Variants in AGAP1 observed in about 807,000 individuals in gnomAD.
AGAP1 encodes the protein ArfGAP with GTPase domain, ankyrin repeat and PH domain 1.
A neutral mutation model predicts 105.3 loss-of-function variants in AGAP1; 29 were observed. The observed-to-expected ratio is 0.28, with a 90% CI of 0.21 to 0.38. The LOEUF (loss-of-function observed/expected upper bound fraction) is 0.38, where lower values mean the gene tolerates loss of function less well. Among genes scored for constraint, AGAP1 ranks in the 10% least tolerant of loss-of-function variants. The probability of loss-of-function intolerance (pLI) is 1.00; values close to 1 mark genes in which losing one functional copy is unlikely to be tolerated. For missense variants in AGAP1, 998 were observed against 1,165.1 expected (o/e 0.86, Z 2.09); for synonymous variants, 509 against 485.9 (o/e 1.05, Z -0.63).
At chr2:235,527,652 TG>T (rs2149066412) in intron 1 of AGAP1, among the ~76,000 whole-genome samples, 1 of 152,358 alleles carries the variant, frequency 6.6e-6, no homozygotes, top group East Asian at 1.9e-4. Flanking sequence ...CGTCCCGAAG[TG>T]CTGGAATTAC....
chr2:235,607,808 C>A (rs1385814710), intron 1 of AGAP1, among the ~76,000 whole-genome samples: 1 of 152,188 alleles, frequency 6.6e-6, no homozygotes, highest in Non-Finnish European at 1.5e-5. Flanking sequence ...TGCTTGGATT[C>A]CCAGGCCCCA....
intron 1 of AGAP1, among the ~76,000 whole-genome samples, chr2:235,563,627 T>C (rs1470291503): frequency 6.6e-6 from 1 of 152,016 alleles, no homozygotes; most frequent in Non-Finnish European, 1.5e-5. Context: ...AAGAAAGTGA[T>C]CATCCTGTTC....
rs2050645501 is a variant in AGAP1, at chr2:235,893,435, A to G, written c.1155+9986A>G. Among the ~76,000 whole-genome samples the G allele has an allele frequency of 6.8e-6, 1 of 146,110 alleles. No homozygotes were observed. The highest frequency in any genetic ancestry group is 2.6e-5 in the African/African-American group (1 of 38,866). The stretch of plus-strand genomic sequence containing the variant: ...TTGGTGTGGGTGTGCCGTGTCCATC[A>G]TAAGGAAGAGCTGTGTCTGTGGTGC... On this transcript the variant is annotated intron_variant, in intron 10 of 17. Transcript: ENST00000304032. The surrounding 1 kb of genome is among the most constrained non-coding windows in gnomAD (Gnocchi z 4.7).
intron 9 of AGAP1, among the ~76,000 whole-genome samples, chr2:235,849,900 C>G (rs913935680): frequency 2.0e-5 from 3 of 152,232 alleles, no homozygotes; most frequent in Admixed American, 2.0e-4. Flanking sequence ...CCCTGACATG[C>G]TCCCCTCTCC....
chr2:235,915,732 T>C (rs1390952887), intron 11 of AGAP1, among the ~76,000 whole-genome samples: 1 of 152,116 alleles, frequency 6.6e-6, no homozygotes, highest in Non-Finnish European at 1.5e-5. Flanking sequence ...ATAAAGATTG[T>C]GAAAATAAAA....
chr2:235,674,142 C>T (rs1948594581), intron 1 of AGAP1, among the ~76,000 whole-genome samples: 1 of 152,186 alleles, frequency 6.6e-6, no homozygotes. Context: ...TCTATTTAGG[C>T]TCTTCCTAGT....
At chr2:235,670,703 C>A (rs1198572050) in intron 1 of AGAP1, 1 of 750,414 alleles carries the variant, frequency 1.3e-6, no homozygotes, top group South Asian at 1.5e-5. Context: ...GACCGCCACG[C>A]AGCCCGCCTC....
In AGAP1 at chr2:235,625,370, G is replaced by A. The variant is rs1432668163; in HGVS notation, c.164-83809G>A. Among the ~76,000 whole-genome samples the A allele has an allele frequency of 6.6e-6, 1 of 152,228 alleles. No homozygotes were observed. The highest frequency in any genetic ancestry group is 1.5e-5 in the Non-Finnish European group (1 of 68,048). ...CGCATGTGGACAGTTTGAAAGCCTA[G>A]CTGAGGCAGCTGGAAGAAATTCATG... On this transcript the variant is annotated intron_variant, in intron 1 of 17. Coordinates refer to ENST00000304032, the MANE Select transcript of AGAP1 (RefSeq NM_001037131.3). The surrounding 1 kb of genome is among the most constrained non-coding windows in gnomAD (Gnocchi z 4.0).
In AGAP1 at chr2:235,705,782, C is replaced by G. The variant is rs1044102578; in HGVS notation, c.164-3397C>G. ...GCCACAAACACAAATATGTTCCATT[C>G]AAGTGAGGATGTATTTGCAAGTAAA... On this transcript the variant is annotated intron_variant, in intron 1 of 17. Transcript: ENST00000304032. This position sits in a 1 kb window ranked among gnomAD's most constrained non-coding sequence, Gnocchi z 4.9. Among the ~76,000 whole-genome samples the G allele has an allele frequency of 1.3e-4, 20 of 152,170 alleles. No homozygotes were observed. The highest frequency in any genetic ancestry group is 4.1e-4 in the South Asian group (2 of 4,824).
chr2:235,619,898 C>G (rs1346812125), intron 1 of AGAP1, among the ~76,000 whole-genome samples: 1 of 152,180 alleles, frequency 6.6e-6, no homozygotes, highest in African/African-American at 2.4e-5. Context: ...CGCAGCCAGA[C>G]TATATGCTGG....
intron 13 of AGAP1, among the ~76,000 whole-genome samples, chr2:235,974,775 A>G (rs1463376913): frequency 6.6e-6 from 1 of 152,256 alleles, no homozygotes; most frequent in East Asian, 1.9e-4. Flanking sequence ...CTTTCAAAGG[A>G]GAACCTGAAA....
At chr2:235,949,334 T>C (rs1352517884) in intron 12 of AGAP1, among the ~76,000 whole-genome samples, 2 of 152,206 alleles carry the variant, frequency 1.3e-5, no homozygotes, top group South Asian at 2.1e-4. Flanking sequence ...ATTTCCATGA[T>C]AATTTTTTTT....
intron 6 of AGAP1, chr2:235,783,322 A>G (rs1956395154): frequency 4.2e-6 from 2 of 471,116 alleles, no homozygotes; most frequent in Admixed American, 4.7e-5. Context: ...ACCTCAGGTC[A>G]AATAAATTTA....
chr2:235,874,312 G>T lies in AGAP1; in HGVS notation c.1051-9033G>T, dbSNP rs1317251969. On this transcript the variant is annotated intron_variant, in intron 9 of 17. Transcript: ENST00000304032. The surrounding 1 kb of genome is among the most constrained non-coding windows in gnomAD (Gnocchi z 4.5). Reference sequence around the variant, plus strand: ...GATCTGCCGGCCTCGGCCTCCCAAAGTGCTGGGGTTACAGATGTAAGCCAC... The same window carrying T: ...GATCTGCCGGCCTCGGCCTCCCAAATTGCTGGGGTTACAGATGTAAGCCAC... Among the ~76,000 whole-genome samples, 2 of 152,194 alleles carry T rather than the reference G, an allele frequency of 1.3e-5. No individual in the cohort carries two copies. Among genetic ancestry groups the T allele is most frequent in the African/African-American group, 4.8e-5 (2 of 41,448 alleles).
intron 1 of AGAP1, among the ~76,000 whole-genome samples, chr2:235,654,068 A>G (rs1947697711): frequency 6.6e-6 from 1 of 152,240 alleles, no homozygotes; most frequent in Non-Finnish European, 1.5e-5. Flanking sequence ...CAAAACAAAA[A>G]CAATCCATGT....
rs1953381856 is a variant in AGAP1 at position 235,750,986 on chromosome 2, G to T, written c.673+498G>T. Among the ~76,000 whole-genome samples the T allele has an allele frequency of 3.3e-5, 5 of 152,232 alleles. 1 individual carries two copies. The South Asian group carries it at 1.0e-3, about 32-fold the overall frequency. Reference sequence around the variant, plus strand: ...TGACACGATACCACTCACAGCAGAGGGTGAGGACCAGCCTTTTGGAATTGT... The same window carrying T: ...TGACACGATACCACTCACAGCAGAGTGTGAGGACCAGCCTTTTGGAATTGT... On this transcript the variant is annotated intron_variant, in intron 6 of 17. Transcript: ENST00000304032. The surrounding 1 kb of genome is among the most constrained non-coding windows in gnomAD (Gnocchi z 5.3).
chr2:235,534,752 C>T (rs556422329), intron 1 of AGAP1, among the ~76,000 whole-genome samples: 4 of 152,226 alleles, frequency 2.6e-5, no homozygotes, highest in South Asian at 2.1e-4. Context: ...GTCTTCAGCA[C>T]GACATGGGGA....
At chr2:236,010,438 G>A (rs1378718209) in intron 13 of AGAP1, among the ~76,000 whole-genome samples, 4 of 152,168 alleles carry the variant, frequency 2.6e-5, no homozygotes, top group East Asian at 3.9e-4. Flanking sequence ...TGTTTATAAC[G>A]ATCAGATGCC....
chr2:235,836,958 G>A (rs759123852), intron 9 of AGAP1, among the ~76,000 whole-genome samples: 1 of 151,806 alleles, frequency 6.6e-6, no homozygotes, highest in African/African-American at 2.4e-5. Flanking sequence ...TGGATGGAGA[G>A]TTCAAGGGTT....
Sources: allele counts gnomAD v4.1 joint callset (sites outside exome capture counted in the v4.1 genomes callset), GRCh38; gene constraint gnomAD v4.1.1; non-coding constraint Gnocchi (gnomAD v3.1); transcripts MANE v1.5; gene names NCBI Gene and HGNC (gene_info 2026-07-23, HGNC 2026-07-21).